TCF4: variants seen among roughly 807,000 people sequenced by gnomAD.
TCF4 encodes SL3-3 enhancer factor 2.
A neutral mutation model predicts 82.1 loss-of-function variants in TCF4; 3 were observed. That is an observed-to-expected ratio of 0.04 (90% CI 0.02 to 0.09). The LOEUF (loss-of-function observed/expected upper bound fraction) is 0.09. TCF4 is among the 10% of genes least tolerant of loss of function. The probability of loss-of-function intolerance (pLI) is 1.00; values close to 1 mark genes in which losing one functional copy is unlikely to be tolerated. For synonymous variants in TCF4, 276 were observed against 309.6 expected, an observed-to-expected ratio of 0.89 and a Z score of 1.14; for missense variants, 518 against 852.7, an observed-to-expected ratio of 0.61 and a Z score of 4.89.
At chr18:55,595,012 C>T (rs1430289163) in intron 2 of TCF4, among the ~76,000 whole-genome samples, 1 of 152,194 alleles carries the variant, frequency 6.6e-6, no homozygotes, top group Non-Finnish European at 1.5e-5. Context: ...CTCATTTCTT[C>T]TCTGGATCTC....
intron 4 of TCF4, among the ~76,000 whole-genome samples, chr18:55,463,623 A>G (rs2095922534): frequency 6.6e-6 from 1 of 152,222 alleles, no homozygotes; most frequent in Non-Finnish European, 1.5e-5. Context: ...TTATACTGGT[A>G]GGATAGAACT....
chr18:55,393,611 T>C (rs1181667601), intron 6 of TCF4, among the ~76,000 whole-genome samples: 1 of 152,226 alleles, frequency 6.6e-6, no homozygotes, highest in African/African-American at 2.4e-5. Flanking sequence ...AGCTGCATGT[T>C]AGGGTCCTTT....
chr18:55,515,815 G>T (rs969973325), intron 3 of TCF4, among the ~76,000 whole-genome samples: 2 of 152,078 alleles, frequency 1.3e-5, no homozygotes, highest in Non-Finnish European at 2.9e-5. Context: ...TTGGAGGGGG[G>T]TGGGCGTATT....
chr18:55,485,745 C>T (rs1321238900), intron 3 of TCF4, among the ~76,000 whole-genome samples: 5 of 152,210 alleles, frequency 3.3e-5, no homozygotes, highest in Admixed American at 2.0e-4. Context: ...GAATTTTCCT[C>T]ATGTATTTAG....
At chr18:55,506,322 A>G (rs1337839245) in intron 3 of TCF4, among the ~76,000 whole-genome samples, 2 of 152,186 alleles carry the variant, frequency 1.3e-5, no homozygotes, top group Non-Finnish European at 2.9e-5. Flanking sequence ...CTACTTACTA[A>G]TAAGTGTAAC....
chr18:55,269,360 T>C (rs1363361002), intron 11 of TCF4: 2 of 218,276 alleles, frequency 9.2e-6, no homozygotes, highest in Admixed American at 5.1e-5. Context: ...ATTAACCTCA[T>C]GTAGTTATTA....
intron 6 of TCF4, among the ~76,000 whole-genome samples, chr18:55,369,308 T>C (rs2088213831): frequency 6.6e-6 from 1 of 152,198 alleles, no homozygotes; most frequent in African/African-American, 2.4e-5. Context: ...CCTTTAAGAT[T>C]TACATTTTGT....
intron 3 of TCF4, among the ~76,000 whole-genome samples, chr18:55,468,891 C>T (rs79491093): frequency 7.0e-5 from 9 of 127,798 alleles, no homozygotes; most frequent in East Asian, 2.6e-4. Flanking sequence ...GCCCCCCCCC[C>T]CCTTGTTCTA....
At chr18:55,357,759 G>C (rs1445466485) in intron 6 of TCF4, among the ~76,000 whole-genome samples, 1 of 152,096 alleles carries the variant, frequency 6.6e-6, no homozygotes, top group Non-Finnish European at 1.5e-5. Flanking sequence ...GGCCTCCCTG[G>C]AAACAGGAAC....
At chr18:55,383,992 T>G (rs2092322175) in intron 6 of TCF4, 1 of 152,266 alleles carries the variant, frequency 6.6e-6, no homozygotes, top group African/African-American at 2.4e-5. Flanking sequence ...CACTTCCTAC[T>G]GGCCTGACTC....
intron 8 of TCF4, among the ~76,000 whole-genome samples, chr18:55,280,549 T>A (rs1208735002): frequency 2.6e-5 from 4 of 152,176 alleles, no homozygotes; most frequent in Non-Finnish European, 5.9e-5. Context: ...TAATTTTTTT[T>A]AATCCCCATT....
rs1307412901 is a variant in TCF4, at chr18:55,359,889, A to G, written c.370-8886T>C. On this transcript the variant is annotated intron_variant, in intron 6 of 19. Transcript: ENST00000354452. The stretch of plus-strand genomic sequence containing the variant: ...ATCAGTTGTATGTTTTTCTAGACAC[A>G]TGATGGCTTACCTTTGTTCTTATCT... 2.6e-5 allele frequency among the ~76,000 whole-genome samples: 4 copies of G among 152,310 alleles called. No individual in the cohort carries two copies. The South Asian group carries it at 8.3e-4, about 32-fold the overall frequency.
chr18:55,440,480 C>T (rs1487035613), intron 5 of TCF4, among the ~76,000 whole-genome samples: 1 of 152,188 alleles, frequency 6.6e-6, no homozygotes, highest in Non-Finnish European at 1.5e-5. Flanking sequence ...TGTCCCCAAC[C>T]ACCTCCTCCT....
At chr18:55,417,899 A>G (rs1042114200) in intron 5 of TCF4, among the ~76,000 whole-genome samples, 3 of 152,068 alleles carry the variant, frequency 2.0e-5, no homozygotes, top group Non-Finnish European at 2.9e-5. Context: ...AACTGTACCT[A>G]TAATAAAAAC....
chr18:55,508,761 C>A (rs556191787), intron 3 of TCF4, among the ~76,000 whole-genome samples: 13 of 152,270 alleles, frequency 8.5e-5, no homozygotes, highest in African/African-American at 2.9e-4. Flanking sequence ...TTGCTGTGCA[C>A]CTCCTTTTAT....
chr18:55,372,559 G>A (rs1043268298), intron 6 of TCF4, among the ~76,000 whole-genome samples: 2 of 151,928 alleles, frequency 1.3e-5, no homozygotes, highest in Admixed American at 6.6e-5. Flanking sequence ...GCTAACTACA[G>A]GCAATTTAGA....
chr18:55,289,654 A>T (rs1170220367), intron 8 of TCF4, among the ~76,000 whole-genome samples: 1 of 152,178 alleles, frequency 6.6e-6, no homozygotes, highest in Non-Finnish European at 1.5e-5. Flanking sequence ...GTTTGGTTAT[A>T]TCTGCCAAAA....
intron 3 of TCF4, among the ~76,000 whole-genome samples, chr18:55,477,139 T>C (rs1414368870): frequency 1.3e-5 from 2 of 152,236 alleles, no homozygotes; most frequent in Admixed American, 1.3e-4. Flanking sequence ...ACCACAATTT[T>C]TAATTATGCT....
At chr18:55,532,290 T>C (rs909113290) in intron 3 of TCF4, among the ~76,000 whole-genome samples, 8 of 152,202 alleles carry the variant, frequency 5.3e-5, no homozygotes, top group African/African-American at 1.9e-4. Flanking sequence ...ATCCTCATCA[T>C]CATCATCATC....
Sources: allele counts gnomAD v4.1 joint callset (sites outside exome capture counted in the v4.1 genomes callset), GRCh38; gene constraint gnomAD v4.1.1; transcripts MANE v1.5; gene names NCBI Gene and HGNC (gene_info 2026-07-23, HGNC 2026-07-21).